Variants in ANKRD17 observed in about 807,000 individuals in gnomAD.
ANKRD17 encodes ankyrin repeat domain 17.
A neutral mutation model predicts 229.7 loss-of-function variants in ANKRD17; 19 were observed. The observed-to-expected ratio is 0.08, with a 90% CI of 0.06 to 0.12. ANKRD17 has a LOEUF of 0.12. Among genes scored for constraint, ANKRD17 ranks in the 10% least tolerant of loss-of-function variants. The pLI is 1.00. For synonymous variants in ANKRD17, 1,112 were observed against 1,146.1 expected, an observed-to-expected ratio of 0.97 and a Z score of 0.60; for missense variants, 2,176 against 3,176.8, an observed-to-expected ratio of 0.68 and a Z score of 7.57.
At chr4:73,133,684 A>G in intron 16 of ANKRD17, among the ~76,000 whole-genome samples, 1 of 151,654 alleles carries the variant, frequency 6.6e-6, no homozygotes, top group Admixed American at 6.6e-5. Flanking sequence ...GTGAGCCACC[A>G]CGCCCGGCCA....
intron 2 of ANKRD17, among the ~76,000 whole-genome samples, chr4:73,166,521 T>C (rs777981213): frequency 5.3e-5 from 8 of 152,170 alleles, no homozygotes. Flanking sequence ...TCTCAAGAAA[T>C]ATATTGGATA....
At chr4:73,109,000 T>G (rs1223597330) in intron 24 of ANKRD17, among the ~76,000 whole-genome samples, 6 of 152,172 alleles carry the variant, frequency 3.9e-5, no homozygotes, top group African/African-American at 1.4e-4. Flanking sequence ...AGGGACTGGT[T>G]ACCAAAAATT....
intron 25 of ANKRD17, among the ~76,000 whole-genome samples, chr4:73,099,865 G>A (rs878961992): frequency 1.3e-5 from 2 of 152,100 alleles, no homozygotes; most frequent in African/African-American, 4.8e-5. Flanking sequence ...TACACATTGC[G>A]GTGATGGAGA....
intron 25 of ANKRD17, chr4:73,101,231 T>C: frequency 2.1e-6 from 2 of 972,818 alleles, no homozygotes; most frequent in Non-Finnish European, 2.4e-6. Flanking sequence ...CTTTTGATTA[T>C]AACCTAGTTA....
chr4:73,092,260 T>C lies in ANKRD17; in HGVS notation c.5368A>G (p.Asn1790Asp). The stretch of plus-strand genomic sequence containing the variant: ...TTGTCTGGATCCTTGATCAAAGCAT[T>C]AATCAATTGAGTTGCTTGTCTTGTT... ...ESTRQATQLINALIKDPDKEI... is the reference protein window; with the variant it reads ...ESTRQATQLIDALIKDPDKEI... The change falls in exon 29 of 34, where the codon AAT becomes GAT. Residue 1790 changes from asparagine to aspartate, a missense_variant. Around this residue, in one of 18 missense-constraint regions of ANKRD17, gnomAD observed 142 missense variants for 200.4 expected, o/e 0.71. Coordinates refer to ENST00000358602, the MANE Select transcript of ANKRD17 (RefSeq NM_032217.5). The C allele has an allele frequency of 1.2e-6, 2 of 1,614,102 alleles. No individual in the cohort carries two copies. The highest frequency in any genetic ancestry group is 1.7e-6 in the Non-Finnish European group (2 of 1,179,986).
At chr4:73,093,317 C>A in intron 28 of ANKRD17, among the ~76,000 whole-genome samples, 1 of 151,066 alleles carries the variant, frequency 6.6e-6, no homozygotes, top group Non-Finnish European at 1.5e-5. Flanking sequence ...TAGACATATT[C>A]GACGAGTTAT....
rs1421807488 is a variant in ANKRD17, at chr4:73,075,154, A to G, written c.*1077T>C. ...AAAAAGAAATAAGATATTTTCCACT[A>G]AATTACTGAAAATTGAAATTTTTAT... On this transcript the variant is annotated 3_prime_UTR_variant, in exon 34 of 34. Transcript: ENST00000358602. The G allele has an allele frequency of 6.6e-6, 1 of 152,146 alleles. No homozygotes were observed. The highest frequency in any genetic ancestry group is 1.5e-5 in the Non-Finnish European group (1 of 67,956). 9.4% of individuals were successfully genotyped at this position (152,146 alleles called of 1,614,324 possible). A position where few individuals can be genotyped will look rare whatever the true frequency, so the allele number is the denominator to read the frequency against.
At chr4:73,170,184 T>C (rs548462052) in intron 2 of ANKRD17, among the ~76,000 whole-genome samples, 3 of 151,732 alleles carry the variant, frequency 2.0e-5, no homozygotes, top group South Asian at 2.1e-4. Context: ...TCCTTCTGCT[T>C]GAGAGAAAAG....
At chr4:73,179,925 G>A (rs1352690480) in intron 1 of ANKRD17, among the ~76,000 whole-genome samples, 1 of 152,018 alleles carries the variant, frequency 6.6e-6, no homozygotes, top group Non-Finnish European at 1.5e-5. Flanking sequence ...CAAAGGTCCA[G>A]AAGATGAGTC....
intron 1 of ANKRD17, among the ~76,000 whole-genome samples, chr4:73,215,074 T>C (rs555736931): frequency 6.6e-6 from 1 of 152,246 alleles, no homozygotes; most frequent in Admixed American, 6.5e-5. Flanking sequence ...ATTCACTAAT[T>C]TGGCAGACAT....
chr4:73,166,743 C>A (rs1733273897), intron 2 of ANKRD17, among the ~76,000 whole-genome samples: 1 of 142,860 alleles, frequency 7.0e-6, no homozygotes, highest in Non-Finnish European at 1.5e-5. Flanking sequence ...ATGACTATTT[C>A]TTCAACAAAT....
chr4:73,180,128 T>A (rs1271491979), intron 1 of ANKRD17, among the ~76,000 whole-genome samples: 1 of 151,980 alleles, frequency 6.6e-6, no homozygotes, highest in Non-Finnish European at 1.5e-5. Flanking sequence ...GTAGAAGACA[T>A]CAAAAAGCAG....
intron 1 of ANKRD17, among the ~76,000 whole-genome samples, chr4:73,216,150 G>T (rs985024392): frequency 9.2e-5 from 14 of 152,056 alleles, no homozygotes; most frequent in African/African-American, 3.4e-4. Flanking sequence ...AGATGTTAAA[G>T]ATATTTATAA....
intron 6 of ANKRD17, among the ~76,000 whole-genome samples, chr4:73,153,551 C>T (rs1361479590): frequency 2.0e-5 from 3 of 152,222 alleles, no homozygotes; most frequent in East Asian, 3.9e-4. Context: ...GGTTCATTGA[C>T]ATCATTTAAA....
intron 15 of ANKRD17, among the ~76,000 whole-genome samples, chr4:73,139,212 A>G (rs1729299188): frequency 6.6e-6 from 1 of 152,146 alleles, no homozygotes; most frequent in Non-Finnish European, 1.5e-5. Flanking sequence ...GCCAAAATTC[A>G]ATCTCAGTAT....
At chr4:73,142,431 G>A (rs747587269) in intron 12 of ANKRD17, 46 bp from the exon 13 acceptor site, 1 of 1,581,492 alleles carries the variant, frequency 6.3e-7, no homozygotes, top group South Asian at 1.2e-5. Flanking sequence ...AGAAAAATAA[G>A]TTAGTTTACA....
At chr4:73,103,984 G>A (rs192813586) in intron 24 of ANKRD17, 3 of 152,122 alleles carry the variant, frequency 2.0e-5, no homozygotes, top group African/African-American at 7.2e-5. Context: ...TACACCCTGC[G>A]GTAATGCAAC....
At chr4:73,093,239 T>C (rs1722953492) in intron 28 of ANKRD17, among the ~76,000 whole-genome samples, 1 of 152,214 alleles carries the variant, frequency 6.6e-6, no homozygotes, top group South Asian at 2.1e-4. Context: ...TTTAAAGTAA[T>C]TAAATATAGC....
intron 1 of ANKRD17, among the ~76,000 whole-genome samples, chr4:73,203,179 C>T (rs954712302): frequency 6.6e-6 from 1 of 152,144 alleles, no homozygotes; most frequent in Non-Finnish European, 1.5e-5. Flanking sequence ...GTGGGAGTTT[C>T]TATGTTTGTT....
Sources: allele counts gnomAD v4.1 joint callset (sites outside exome capture counted in the v4.1 genomes callset), GRCh38; gene constraint gnomAD v4.1.1; regional missense constraint gnomAD v4.1.1; transcripts MANE v1.5; gene names NCBI Gene and HGNC (gene_info 2026-07-23, HGNC 2026-07-21).